TAFA5: variants seen among roughly 807,000 people sequenced by gnomAD.
TAFA5 encodes the protein TAFA chemokine like family member 5.
TAFA5 carries 6 observed loss-of-function variants against 15.3 expected under a neutral mutation model. The observed-to-expected ratio is 0.39, with a 90% CI of 0.21 to 0.77. The LOEUF (loss-of-function observed/expected upper bound fraction) is 0.77, where lower values mean the gene tolerates loss of function less well. Among genes scored for constraint, TAFA5 ranks in the 30% least tolerant of loss-of-function variants. The probability of loss-of-function intolerance (pLI) is 0.41; values close to 1 mark genes in which losing one functional copy is unlikely to be tolerated. For missense variants in TAFA5, 161 were observed against 193.1 expected, an observed-to-expected ratio of 0.83 and a Z score of 0.98; for synonymous variants, 103 against 80.7, an observed-to-expected ratio of 1.28 and a Z score of -1.48.
chr22:48,734,689 CT>C (rs1247923260), intron 3 of TAFA5, among the ~76,000 whole-genome samples: 12 of 152,366 alleles, frequency 7.9e-5, no homozygotes, highest in Admixed American at 6.5e-4. Context: ...CTTCTGACTG[CT>C]GTTTTCTGAT....
At chr22:48,714,023 A>G (rs1929332511) in intron 3 of TAFA5, among the ~76,000 whole-genome samples, 1 of 152,140 alleles carries the variant, frequency 6.6e-6, no homozygotes, top group Non-Finnish European at 1.5e-5. Context: ...GTCTGTGCCA[A>G]TCCGCCAGGC....
intron 1 of TAFA5, among the ~76,000 whole-genome samples, chr22:48,609,632 A>G (rs1910708459): frequency 6.6e-6 from 1 of 152,124 alleles, no homozygotes; most frequent in Non-Finnish European, 1.5e-5. Context: ...TCTGAAGCTC[A>G]CAGACCTGAG....
At chr22:48,732,311 C>T (rs1169350085) in intron 3 of TAFA5, among the ~76,000 whole-genome samples, 4 of 152,106 alleles carry the variant, frequency 2.6e-5, no homozygotes, top group South Asian at 2.1e-4. Flanking sequence ...AGTGCAGTGG[C>T]GCAATTTCGG....
rs56718045 is a variant in TAFA5 at position 48,605,938 on chromosome 22, G to C, written c.113-40659G>C. Among the ~76,000 whole-genome samples, 3 of 152,194 alleles carry C rather than the reference G, an allele frequency of 2.0e-5. No homozygotes were observed. In the East Asian group the frequency reaches 5.8e-4, roughly 29 times the overall value. On this transcript the variant is annotated intron_variant, in intron 1 of 3. Transcript: ENST00000402357. ...GGGTTCACAGCCACTGCAGTGAACA[G>C]GGAAGGGCCTGCCCCATGGGGTGGA...
At chr22:48,656,224 C>G (rs1401876237) in intron 2 of TAFA5, among the ~76,000 whole-genome samples, 1 of 152,064 alleles carries the variant, frequency 6.6e-6, no homozygotes, top group Non-Finnish European at 1.5e-5. Context: ...CTGGCTTGCA[C>G]CAGATTGCGA....
At chr22:48,538,886 G>T (rs1449479793) in intron 1 of TAFA5, 1 of 158,916 alleles carries the variant, frequency 6.3e-6, no homozygotes, top group African/African-American at 2.4e-5. Context: ...CACAGAGCAG[G>T]CAGGTGAATC....
intron 1 of TAFA5, among the ~76,000 whole-genome samples, chr22:48,504,229 C>T (rs1920971917): frequency 6.6e-6 from 1 of 152,230 alleles, no homozygotes. Flanking sequence ...AGAGATAACC[C>T]AGGGTGGCGT....
intron 3 of TAFA5, among the ~76,000 whole-genome samples, chr22:48,733,969 A>C (rs986038003): frequency 6.6e-6 from 1 of 152,200 alleles, no homozygotes; most frequent in Non-Finnish European, 1.5e-5. Context: ...CCGCCTGCAC[A>C]GTGTTGGTCA....
chr22:48,504,969 C>T (rs1386471419), intron 1 of TAFA5, among the ~76,000 whole-genome samples: 1 of 152,164 alleles, frequency 6.6e-6, no homozygotes, highest in African/African-American at 2.4e-5. Context: ...TGCTCAGGCC[C>T]ACTGTGGATG....
intron 3 of TAFA5, among the ~76,000 whole-genome samples, chr22:48,717,623 G>A (rs1434440978): frequency 6.6e-6 from 1 of 152,250 alleles, no homozygotes; most frequent in Non-Finnish European, 1.5e-5. Flanking sequence ...CACTGCCTCA[G>A]CCAGATCCAT....
chr22:48,637,690 G>C (rs569798421), intron 1 of TAFA5, among the ~76,000 whole-genome samples: 1 of 152,046 alleles, frequency 6.6e-6, no homozygotes, highest in Non-Finnish European at 1.5e-5. Context: ...GTGCGCATCT[G>C]TGTGTGCACG....
At chr22:48,643,266 G>A (rs920145070) in intron 1 of TAFA5, among the ~76,000 whole-genome samples, 4 of 152,078 alleles carry the variant, frequency 2.6e-5, no homozygotes, top group South Asian at 2.1e-4. Flanking sequence ...GATCTGTTAC[G>A]CAGGAAGCTC....
intron 3 of TAFA5, among the ~76,000 whole-genome samples, chr22:48,718,679 G>A (rs130167): frequency 0.33 from 50,238 of 152,062 alleles, 8,891 homozygotes; most frequent in Non-Finnish European, 0.4. Flanking sequence ...GGCTTCCCCC[G>A]GCCCCGTGAG....
At chr22:48,710,014 G>A (rs1929202961) in intron 3 of TAFA5, among the ~76,000 whole-genome samples, 1 of 152,166 alleles carries the variant, frequency 6.6e-6, no homozygotes, top group South Asian at 2.1e-4. Flanking sequence ...AGTGGCATTG[G>A]GCACACTCAC....
intron 3 of TAFA5, among the ~76,000 whole-genome samples, chr22:48,733,744 C>A (rs1044793990): frequency 1.3e-5 from 2 of 151,364 alleles, no homozygotes; most frequent in Non-Finnish European, 2.9e-5. Context: ...GCCTGCAGGC[C>A]AAATCAGGCC....
intron 1 of TAFA5, chr22:48,544,789 G>A (rs530832776): frequency 6.4e-6 from 3 of 471,138 alleles, no homozygotes; most frequent in South Asian, 1.5e-5. Flanking sequence ...CTGTTACCAC[G>A]ATCTAGGCGA....
chr22:48,747,887 ACT>A (rs928695851), intron 3 of TAFA5, among the ~76,000 whole-genome samples: 3 of 127,080 alleles, frequency 2.4e-5, no homozygotes, highest in Non-Finnish European at 4.9e-5. Flanking sequence ...GCAGAGCAAG[ACT>A]CTGTCTAAAA....
intron 1 of TAFA5, among the ~76,000 whole-genome samples, chr22:48,624,261 C>G (rs575763886): frequency 2.0e-5 from 3 of 152,194 alleles, no homozygotes; most frequent in Non-Finnish European, 4.4e-5. Context: ...CACATCCTAT[C>G]GGGGCATCCA....
chr22:48,491,883 C>T (rs1312445426), intron 1 of TAFA5, among the ~76,000 whole-genome samples: 3 of 152,166 alleles, frequency 2.0e-5, no homozygotes, highest in East Asian at 3.9e-4. Flanking sequence ...AACAGCCTTT[C>T]GCCAGGACAA....
Sources: gnomAD v4.1 joint callset for allele counts (sites outside exome capture counted in the v4.1 genomes callset) on GRCh38, gnomAD v4.1.1 for gene constraint, MANE v1.5 for transcripts, NCBI Gene and HGNC (gene_info 2026-07-23, HGNC 2026-07-21) for gene names.